Variants in NRG2 observed in about 807,000 individuals in gnomAD.
The protein encoded by NRG2 is neuregulin 2.
A neutral mutation model predicts 73.9 loss-of-function variants in NRG2; 27 were observed. The observed-to-expected ratio is 0.37, with a 90% CI of 0.27 to 0.50. NRG2 has a LOEUF of 0.50. Ranked by LOEUF, NRG2 falls within the 20% of genes least tolerant of loss-of-function variation. NRG2 has a pLI of 0.96. For missense variants in NRG2, 1,126 were observed against 1,210.1 expected (o/e 0.93, Z 1.03); for synonymous variants, 532 against 541.0 (o/e 0.98, Z 0.23).
intron 5 of NRG2, among the ~76,000 whole-genome samples, chr5:139,862,063 C>T (rs556607342): frequency 6.4e-4 from 97 of 152,292 alleles, no homozygotes; most frequent in African/African-American, 2.1e-3. Flanking sequence ...CCCTTTGGTC[C>T]CTTGGTGCTA....
intron 1 of NRG2, among the ~76,000 whole-genome samples, chr5:139,986,538 G>C (rs1757186068): frequency 6.6e-6 from 1 of 152,134 alleles, no homozygotes; most frequent in African/African-American, 2.4e-5. Context: ...AATCCGGCAA[G>C]TCATATTAAT....
chr5:139,870,509 G>A lies in NRG2; in HGVS notation c.1112+1212C>T, dbSNP rs1762770167. On this transcript the variant is annotated intron_variant, in intron 4 of 9. Transcript: ENST00000361474. This position sits in a 1 kb window ranked among gnomAD's most constrained non-coding sequence, Gnocchi z 4.4. ...CAAGGGTGTGCCCAGGAAGGGGGCT[G>A]TGGATCTAGAGCGGGAGATCAGAGG... Among the ~76,000 whole-genome samples the A allele has an allele frequency of 6.6e-6, 1 of 152,216 alleles. No individual in the cohort carries two copies. The highest frequency in any genetic ancestry group is 1.5e-5 in the Non-Finnish European group (1 of 68,032).
rs1234769107 is a variant in NRG2, at chr5:139,874,451, C to T, written c.992-2610G>A. Among the ~76,000 whole-genome samples the T allele has an allele frequency of 2.0e-5, 3 of 152,148 alleles. No homozygotes were observed. The East Asian group carries it at 5.8e-4, about 29-fold the overall frequency. On this transcript the variant is annotated intron_variant, in intron 3 of 9. Coordinates refer to ENST00000361474, the MANE Select transcript of NRG2 (RefSeq NM_004883.3). ...CCTAGAGGGCATCTTTGATTTCATC[C>T]TCCTTTATTCCCCTATAGCCATCTG...
chr5:139,877,464 C>A (rs1480083800), intron 3 of NRG2, among the ~76,000 whole-genome samples: 1 of 152,262 alleles, frequency 6.6e-6, no homozygotes, highest in Non-Finnish European at 1.5e-5. Flanking sequence ...CCAAACCAAC[C>A]CACCTTGGGA....
chr5:140,025,103 C>G (rs1430184952), intron 1 of NRG2, among the ~76,000 whole-genome samples: 1 of 152,084 alleles, frequency 6.6e-6, no homozygotes, highest in African/African-American at 2.4e-5. Context: ...TATTTCAAAA[C>G]GAAAAAAACC....
chr5:139,967,895 G>A (rs1314812565), intron 1 of NRG2, among the ~76,000 whole-genome samples: 1 of 151,912 alleles, frequency 6.6e-6, no homozygotes, highest in Non-Finnish European at 1.5e-5. Flanking sequence ...GGAGGCAGAG[G>A]TTGCAGTGAG....
chr5:139,982,556 G>A (rs933293396), intron 1 of NRG2, among the ~76,000 whole-genome samples: 2 of 152,150 alleles, frequency 1.3e-5, no homozygotes, highest in Admixed American at 1.3e-4. Context: ...TCTTCAAGTC[G>A]TAGTCAATTA....
At chr5:139,917,433 G>T (rs780013967) in intron 1 of NRG2, among the ~76,000 whole-genome samples, 6 of 152,112 alleles carry the variant, frequency 3.9e-5, no homozygotes, top group Middle Eastern at 3.4e-3. Context: ...TGTATTTTTT[G>T]TAGAGACAGG....
At chr5:139,946,324 G>A (rs979511502) in intron 1 of NRG2, among the ~76,000 whole-genome samples, 3 of 151,950 alleles carry the variant, frequency 2.0e-5, no homozygotes, top group Non-Finnish European at 4.4e-5. Flanking sequence ...ATGGTTAATT[G>A]GTTTTCAACA....
At chr5:139,969,430 C>G (rs934494380) in intron 1 of NRG2, among the ~76,000 whole-genome samples, 2 of 152,172 alleles carry the variant, frequency 1.3e-5, no homozygotes, top group Non-Finnish European at 2.9e-5. Context: ...ATGAAAGGAG[C>G]GTTTCTACCA....
intron 1 of NRG2, among the ~76,000 whole-genome samples, chr5:139,963,995 G>GA (rs1308862842): frequency 1.2e-4 from 18 of 151,828 alleles, no homozygotes; most frequent in African/African-American, 4.1e-4. Context: ...AAGAACAAGA[G>GA]AAAAAAAAGG....
At chr5:139,863,531 T>A (rs1762283356) in intron 5 of NRG2, among the ~76,000 whole-genome samples, 1 of 152,176 alleles carries the variant, frequency 6.6e-6, no homozygotes. Context: ...AGCGGCCCGG[T>A]TCCGGAGGCT....
At chr5:139,939,592 G>A (rs1753235431) in intron 1 of NRG2, among the ~76,000 whole-genome samples, 1 of 152,000 alleles carries the variant, frequency 6.6e-6, no homozygotes, top group Non-Finnish European at 1.5e-5. Context: ...TTAAATAGGA[G>A]TCAAAATGTA....
chr5:139,991,232 C>A (rs1452214297), intron 1 of NRG2, among the ~76,000 whole-genome samples: 1 of 151,886 alleles, frequency 6.6e-6, no homozygotes, highest in Non-Finnish European at 1.5e-5. Flanking sequence ...GCCAAGATCG[C>A]ACCACTGCAC....
chr5:139,938,654 GC>G (rs930790394), intron 1 of NRG2, among the ~76,000 whole-genome samples: 2 of 151,928 alleles, frequency 1.3e-5, no homozygotes, highest in Admixed American at 6.6e-5. Context: ...ACCATGTACA[GC>G]CTCAAGATAT....
chr5:139,995,904 T>C lies in NRG2; in HGVS notation c.700+46466A>G, dbSNP rs149423210. On this transcript the variant is annotated intron_variant, in intron 1 of 9. Transcript: ENST00000361474. ...GGTGGCATGTGCTTGTAGTCCTAGG[T>C]ACTCAGGAGGCTGAAATAGGAGAAT... Among the ~76,000 whole-genome samples, 4 of 152,226 alleles carry C rather than the reference T, an allele frequency of 2.6e-5. No individual in the cohort carries two copies. In the East Asian group the frequency reaches 7.8e-4, roughly 30 times the overall value.
intron 1 of NRG2, among the ~76,000 whole-genome samples, chr5:139,978,997 AAC>A (rs1314947869): frequency 6.7e-6 from 1 of 149,416 alleles, no homozygotes; most frequent in Non-Finnish European, 1.5e-5. Flanking sequence ...AAAAAAACCA[AAC>A]ACCGCGTGTT....
At chr5:140,037,417 A>G (rs1761584937) in intron 1 of NRG2, among the ~76,000 whole-genome samples, 1 of 152,168 alleles carries the variant, frequency 6.6e-6, no homozygotes, top group Non-Finnish European at 1.5e-5. Context: ...TGAGTCCAGA[A>G]TTATATTTGT....
In NRG2 at chr5:139,848,545, G is replaced by T. The variant is rs1245199018; in HGVS notation, c.1925C>A (p.Ala642Asp). The change falls in exon 10 of 10, where the codon GCC becomes GAC. Residue 642 changes from alanine (A) to aspartate (D), a missense_variant. Transcript: ENST00000361474. ...GTGCCGCAGTAACGGCTGCTGCTCG[G>T]CCAGGCGGTAACTGATGGGCGCCGC... is the stretch of plus-strand genomic sequence containing the variant. ...PPAAPISYRLAEQQPLLRHPA... is the reference protein window; with the variant it reads ...PPAAPISYRLDEQQPLLRHPA... 2 of 1,509,210 alleles carry T rather than the reference G, an allele frequency of 1.3e-6. No individual in the cohort carries two copies. The highest frequency in any genetic ancestry group is 1.5e-5 in the African/African-American group (1 of 68,698). The allele number at this position is 1,509,210 out of a possible 1,614,324, so 93.5% of individuals were successfully genotyped here. A position where few individuals can be genotyped will look rare whatever the true frequency, so the allele number is the denominator to read the frequency against.
Sources: gnomAD v4.1 joint callset for allele counts (sites outside exome capture counted in the v4.1 genomes callset) on GRCh38, gnomAD v4.1.1 for gene constraint, Gnocchi (gnomAD v3.1) non-coding constraint, MANE v1.5 for transcripts, NCBI Gene and HGNC (gene_info 2026-07-23, HGNC 2026-07-21) for gene names.